SLC22A4: variants seen among roughly 807,000 people sequenced by gnomAD.
SLC22A4 encodes solute carrier family 22 member 4, also known as ET transporter.
Under a neutral mutation model 56.6 loss-of-function variants are expected in SLC22A4, and 39 were observed. The ratio of observed to expected loss-of-function variants is 0.69; its 90% CI spans 0.53 to 0.90. The LOEUF (loss-of-function observed/expected upper bound fraction) is 0.90, where lower values mean the gene tolerates loss of function less well. Among genes scored for constraint, SLC22A4 ranks in the 40% least tolerant of loss-of-function variants. The pLI, the probability that SLC22A4 is intolerant of heterozygous loss-of-function variation, is 0.00. For missense variants in SLC22A4, 594 were observed against 696.5 expected, an observed-to-expected ratio of 0.85 and a Z score of 1.66; for synonymous variants, 241 against 281.4, an observed-to-expected ratio of 0.86 and a Z score of 1.44.
In SLC22A4 at chr5:132,343,838, A is replaced by C. The variant is rs11568508; in HGVS notation, c.*3A>C. On this transcript the variant is annotated 3_prime_UTR_variant, in exon 10 of 10. Coordinates refer to ENST00000200652, the MANE Select transcript of SLC22A4 (RefSeq NM_003059.3). ...AGGTTCTAATAACTGCATTCTGAAAAAATATCTACCCCATTTGGTGAAGTG... is the reference window on the plus strand; with the variant it reads ...AGGTTCTAATAACTGCATTCTGAAACAATATCTACCCCATTTGGTGAAGTG... 1.9e-6 allele frequency: 3 copies of C among 1,572,058 alleles called. No homozygotes were observed. The highest frequency in any genetic ancestry group is 4.5e-5 in the East Asian group (2 of 44,632).
intron 5 of SLC22A4, among the ~76,000 whole-genome samples, chr5:132,328,832 T>TACAC (rs1479801329): frequency 1.3e-4 from 5 of 37,848 alleles, no homozygotes; most frequent in African/African-American, 4.3e-4. Flanking sequence ...TTTATATATA[T>TACAC]ATATATACAC....
intron 5 of SLC22A4, among the ~76,000 whole-genome samples, chr5:132,328,422 G>T (rs1750741611): frequency 6.6e-6 from 1 of 152,152 alleles, no homozygotes; most frequent in Non-Finnish European, 1.5e-5. Flanking sequence ...TGGCCTTCAG[G>T]ACCTTTTCCA....
At chr5:132,334,288 A>G (rs1358644780) in intron 6 of SLC22A4, among the ~76,000 whole-genome samples, 1 of 152,210 alleles carries the variant, frequency 6.6e-6, no homozygotes, top group African/African-American at 2.4e-5. Flanking sequence ...TGAAATCTGG[A>G]TTTTATGTTC....
intron 3 of SLC22A4, among the ~76,000 whole-genome samples, chr5:132,317,187 C>T (rs1750388277): frequency 6.6e-6 from 1 of 152,224 alleles, no homozygotes; most frequent in Non-Finnish European, 1.5e-5. Context: ...TAGAGGGACA[C>T]AAACATTCAG....
chr5:132,327,825 A>T (rs1390355164), intron 5 of SLC22A4, among the ~76,000 whole-genome samples: 1 of 152,154 alleles, frequency 6.6e-6, no homozygotes, highest in Non-Finnish European at 1.5e-5. Context: ...GAAGCTATGC[A>T]TGTCTTTAGT....
In SLC22A4 at chr5:132,297,293, G is replaced by C. The variant is rs1749801967; in HGVS notation, c.393+2284G>C. Among the ~76,000 whole-genome samples, 3 of 152,260 alleles carry C rather than the reference G, an allele frequency of 2.0e-5. No individual in the cohort carries two copies. In the South Asian group the frequency reaches 6.2e-4, roughly 32 times the overall value. ...AGATCACACCACAGCACTCCAGCCT[G>C]GGTGACAGAGCCAGACTGTGTCTCA... On this transcript the variant is annotated intron_variant, in intron 1 of 9. Coordinates refer to ENST00000200652, the MANE Select transcript of SLC22A4 (RefSeq NM_003059.3).
At chr5:132,323,907 A>G (rs1187468513) in intron 4 of SLC22A4, among the ~76,000 whole-genome samples, 1 of 152,182 alleles carries the variant, frequency 6.6e-6, no homozygotes, top group African/African-American at 2.4e-5. Flanking sequence ...AAAATGTTAT[A>G]ATTAGCCAGG....
chr5:132,299,294 G>T (rs758433954), intron 1 of SLC22A4, among the ~76,000 whole-genome samples: 1 of 152,210 alleles, frequency 6.6e-6, no homozygotes, highest in African/African-American at 2.4e-5. Context: ...GCATTCGTCT[G>T]TGTGTGTACA....
chr5:132,296,722 C>T (rs113493232), intron 1 of SLC22A4, among the ~76,000 whole-genome samples: 6 of 152,220 alleles, frequency 3.9e-5, no homozygotes, highest in African/African-American at 1.4e-4. Flanking sequence ...CAGCTCATCC[C>T]GCGTCGATTC....
chr5:132,332,088 C>G lies in SLC22A4; in HGVS notation c.1046+238C>G, dbSNP rs983203667. The G allele has an allele frequency of 5.0e-5, 23 of 462,028 alleles. 2 individuals carry two copies. The highest frequency in any genetic ancestry group is 4.7e-4 in the South Asian group (22 of 47,076). The allele number at this position is 462,028 out of a possible 1,614,324, so 28.6% of individuals were successfully genotyped here. On this transcript the variant is annotated intron_variant, in intron 6 of 9. Coordinates refer to ENST00000200652, the MANE Select transcript of SLC22A4 (RefSeq NM_003059.3). ...CAGCACTTTGGGAGGCCAAGGTGGG[C>G]AGATCACCTGAGGTCAGGAGTTCGA...
At chr5:132,320,034 C>A (rs1750483989) in intron 3 of SLC22A4, among the ~76,000 whole-genome samples, 2 of 152,134 alleles carry the variant, frequency 1.3e-5, no homozygotes, top group African/African-American at 4.8e-5. Context: ...AGGGTGACTG[C>A]CTAAAAGAGA....
chr5:132,324,539 G>A (rs1750634155), intron 4 of SLC22A4: 2 of 471,196 alleles, frequency 4.2e-6, no homozygotes, highest in Non-Finnish European at 8.8e-6. Flanking sequence ...GCCAGCCTGG[G>A]ACCAGCACTG....
chr5:132,320,159 T>C (rs1750488179), intron 3 of SLC22A4, among the ~76,000 whole-genome samples: 1 of 152,246 alleles, frequency 6.6e-6, no homozygotes, highest in Non-Finnish European at 1.5e-5. Flanking sequence ...TCTGCAAAGT[T>C]ATATAACTGT....
chr5:132,327,968 A>C (rs1465832850), intron 5 of SLC22A4, among the ~76,000 whole-genome samples: 1 of 152,238 alleles, frequency 6.6e-6, no homozygotes, highest in East Asian at 1.9e-4. Context: ...GTTCGTGAGG[A>C]TATGCAGTGT....
At position 132,322,274 on chromosome 5, in the gene SLC22A4, T is replaced by G. The variant is rs1369742257; in HGVS notation, c.743T>G (p.Leu248Arg). 1.2e-6 allele frequency: 2 copies of G among 1,614,122 alleles called. No individual in the cohort carries two copies. Among genetic ancestry groups the G allele is most frequent in the Middle Eastern group, 1.7e-4 (1 of 6,036 alleles). ...FFAVGYMLLP[L>R]FAYFIRDWRM... ...GCAGTTGGCTATATGCTGCTGCCAC[T>G]GTTTGCTTACTTCATCAGAGACTGG... Residue 248 changes from leucine to arginine, a missense_variant, in exon 4 of 10, where the codon CTG (leucine) becomes CGG (arginine). Leu to Arg is a moderately radical substitution (Grantham distance 102). Transcript: ENST00000200652.
chr5:132,322,362 G>A lies in SLC22A4; in HGVS notation c.824+7G>A, dbSNP rs769626414. 48 of 1,612,866 alleles carry A rather than the reference G, an allele frequency of 3.0e-5. 1 individual carries two copies. The highest frequency in any genetic ancestry group is 3.6e-4 in the Middle Eastern group (2 of 5,564). On this transcript the variant is annotated splice_region_variant and intron_variant, in intron 4 of 9. Transcript: ENST00000200652. Reference sequence around the variant, plus strand: ...TGTGTGTCCCGCTGTGGTGGTGAGTGTGACTCGTCCCCAGACAGGCCCTCT... The same window carrying A: ...TGTGTGTCCCGCTGTGGTGGTGAGTATGACTCGTCCCCAGACAGGCCCTCT...
chr5:132,313,906 C>T, intron 3 of SLC22A4, 138 bp downstream of exon 3: 1 of 945,278 alleles, frequency 1.1e-6, no homozygotes, highest in Non-Finnish European at 1.7e-6. Context: ...GTAGCCACAG[C>T]TCTTGGAGCA....
At chr5:132,334,255 T>C (rs1750951744) in intron 6 of SLC22A4, among the ~76,000 whole-genome samples, 1 of 152,264 alleles carries the variant, frequency 6.6e-6, no homozygotes, top group African/African-American at 2.4e-5. Flanking sequence ...GTATGACCCT[T>C]GTATCTCTTT....
At chr5:132,343,464 T>C (rs1483040348) in intron 9 of SLC22A4, among the ~76,000 whole-genome samples, 1 of 152,236 alleles carries the variant, frequency 6.6e-6, no homozygotes, top group Non-Finnish European at 1.5e-5. Context: ...CTTCTAATGA[T>C]AGAACTACTT....
Sources: gnomAD v4.1 joint callset for allele counts (sites outside exome capture counted in the v4.1 genomes callset) on GRCh38, gnomAD v4.1.1 for gene constraint, MANE v1.5 for transcripts, NCBI Gene and HGNC (gene_info 2026-07-23, HGNC 2026-07-21) for gene names.